Variants in RNGTT observed in about 807,000 individuals in gnomAD.
RNGTT encodes mRNA-capping enzyme.
A neutral mutation model predicts 79.3 loss-of-function variants in RNGTT; 33 were observed. The observed-to-expected ratio is 0.42, with a 90% CI of 0.32 to 0.56. RNGTT has a LOEUF of 0.56. RNGTT is among the 20% of genes least tolerant of loss of function. RNGTT has a pLI of 0.17. For synonymous variants in RNGTT, 222 were observed against 235.9 expected, an observed-to-expected ratio of 0.94 and a Z score of 0.54; for missense variants, 497 against 739.1, an observed-to-expected ratio of 0.67 and a Z score of 3.80.
intron 1 of RNGTT, among the ~76,000 whole-genome samples, chr6:88,948,762 C>T (rs1785124091): frequency 3.9e-5 from 4 of 101,276 alleles, no homozygotes; most frequent in South Asian, 4.1e-4. Context: ...TTTTGTTCTG[C>T]ACTAAGAAAA....
At chr6:88,684,006 C>T (rs1280834638) in intron 13 of RNGTT, among the ~76,000 whole-genome samples, 1 of 151,770 alleles carries the variant, frequency 6.6e-6, no homozygotes, top group Non-Finnish European at 1.5e-5. Context: ...CAGCAAAAAC[C>T]CGTCTCTAAA....
At chr6:88,817,749 A>AC (rs1780362362) in intron 11 of RNGTT, among the ~76,000 whole-genome samples, 1 of 71,560 alleles carries the variant, frequency 1.4e-5, no homozygotes, top group African/African-American at 5.7e-5. Flanking sequence ...TATTCACATC[A>AC]TTTTTTTTTT....
intron 8 of RNGTT, among the ~76,000 whole-genome samples, chr6:88,856,736 G>A (rs961079475): frequency 2.6e-5 from 4 of 151,982 alleles, no homozygotes; most frequent in African/African-American, 4.8e-5. Context: ...TTTGTTATGC[G>A]ATACTAACAA....
chr6:88,911,109 C>T (rs760422922), intron 4 of RNGTT, among the ~76,000 whole-genome samples: 4 of 151,936 alleles, frequency 2.6e-5, no homozygotes, highest in Non-Finnish European at 4.4e-5. Context: ...ACAGCACCAC[C>T]GCAGGAAAAA....
intron 12 of RNGTT, among the ~76,000 whole-genome samples, chr6:88,782,674 T>C (rs1779103503): frequency 1.3e-5 from 2 of 152,076 alleles, no homozygotes; most frequent in South Asian, 2.1e-4. Flanking sequence ...ATATCCAATA[T>C]ATAAAATCAT....
intron 11 of RNGTT, among the ~76,000 whole-genome samples, chr6:88,835,973 A>AT (rs1781052723): frequency 2.1e-5 from 2 of 94,492 alleles, no homozygotes; most frequent in Non-Finnish European, 4.3e-5. Flanking sequence ...GTCTCTATTA[A>AT]AAACACACAC....
chr6:88,769,465 TC>T (rs1778575873), intron 13 of RNGTT, among the ~76,000 whole-genome samples: 2 of 152,116 alleles, frequency 1.3e-5, no homozygotes, highest in East Asian at 3.9e-4. Context: ...CAGCCAAAAT[TC>T]GTTTTTTAAT....
chr6:88,615,460 A>G (rs1772182601), intron 14 of RNGTT, among the ~76,000 whole-genome samples: 1 of 152,172 alleles, frequency 6.6e-6, no homozygotes, highest in African/African-American at 2.4e-5. Context: ...CAAATCCAAC[A>G]GGTGCAATAC....
At chr6:88,873,075 G>GAA (rs372407658) in intron 8 of RNGTT, among the ~76,000 whole-genome samples, 1 of 146,670 alleles carries the variant, frequency 6.8e-6, no homozygotes, top group East Asian at 2.0e-4. Flanking sequence ...AGGGTGAACA[G>GAA]AAAAAAAAAA....
chr6:88,634,328 C>T (rs1295541605), intron 14 of RNGTT, among the ~76,000 whole-genome samples: 3 of 152,062 alleles, frequency 2.0e-5, no homozygotes, highest in African/African-American at 7.2e-5. Context: ...CTAAAATGAG[C>T]CTAAATTTCC....
At chr6:88,824,581 C>T (rs1479917263) in intron 11 of RNGTT, among the ~76,000 whole-genome samples, 2 of 152,140 alleles carry the variant, frequency 1.3e-5, no homozygotes, top group African/African-American at 2.4e-5. Context: ...TCAAGCACTA[C>T]TCAATAACCA....
chr6:88,843,149 CAAA>C (rs34225763), intron 11 of RNGTT, among the ~76,000 whole-genome samples: 7 of 129,362 alleles, frequency 5.4e-5, no homozygotes, highest in Admixed American at 2.4e-4. Flanking sequence ...GCCTACAGAT[CAAA>C]AAAAAAAAAA....
intron 13 of RNGTT, among the ~76,000 whole-genome samples, chr6:88,689,504 G>C (rs1418359797): frequency 1.3e-5 from 2 of 150,768 alleles, no homozygotes; most frequent in African/African-American, 4.9e-5. Context: ...TGAAGCAGGA[G>C]AATCACTTGA....
At chr6:88,697,130 C>T (rs1324319874) in intron 13 of RNGTT, among the ~76,000 whole-genome samples, 2 of 152,122 alleles carry the variant, frequency 1.3e-5, no homozygotes, top group Non-Finnish European at 2.9e-5. Context: ...AAAATGCTGA[C>T]AGAAACATGA....
At chr6:88,899,059 T>C (rs1000406962) in intron 6 of RNGTT, among the ~76,000 whole-genome samples, 6 of 151,872 alleles carry the variant, frequency 4.0e-5, no homozygotes, top group Non-Finnish European at 8.8e-5. Context: ...AATATATTAC[T>C]TATATGAGTA....
In RNGTT at chr6:88,893,889, T is replaced by C. The variant is rs147066143; in HGVS notation, c.685-1974A>G. Among the ~76,000 whole-genome samples the C allele has an allele frequency of 2.2e-3, 339 of 152,314 alleles. 3 individuals are homozygous for C. Among genetic ancestry groups the C allele is most frequent in the African/African-American group, 8.0e-3 (332 of 41,570 alleles). On this transcript the variant is annotated intron_variant, in intron 6 of 15. Coordinates refer to ENST00000369485, the MANE Select transcript of RNGTT (RefSeq NM_003800.5). ...GGCTAACATAATTTGCTATTTAATG[T>C]TACTACAATAGTTCTGACAAAATAC...
intron 14 of RNGTT, among the ~76,000 whole-genome samples, chr6:88,636,701 CA>C (rs1371140981): frequency 6.7e-6 from 1 of 148,684 alleles, no homozygotes; most frequent in Non-Finnish European, 1.5e-5. Flanking sequence ...TTATAAAAAA[CA>C]AAAACACAAC....
At chr6:88,693,191 T>C (rs1214504982) in intron 13 of RNGTT, among the ~76,000 whole-genome samples, 1 of 151,962 alleles carries the variant, frequency 6.6e-6, no homozygotes, top group Non-Finnish European at 1.5e-5. Flanking sequence ...AAACTAAGAA[T>C]TGATTTTCTG....
At chr6:88,930,862 G>T (rs1254543183) in intron 2 of RNGTT, among the ~76,000 whole-genome samples, 1 of 152,104 alleles carries the variant, frequency 6.6e-6, no homozygotes, top group African/African-American at 2.4e-5. Flanking sequence ...ACACACAAAA[G>T]CAGTAAAAAT....
Sources: gnomAD v4.1 joint callset for allele counts (sites outside exome capture counted in the v4.1 genomes callset) on GRCh38, gnomAD v4.1.1 for gene constraint, MANE v1.5 for transcripts, NCBI Gene and HGNC (gene_info 2026-07-23, HGNC 2026-07-21) for gene names.